The following TENT5D variants were observed in gnomAD, a reference collection of about 807,000 sequenced individuals.
TENT5D encodes terminal nucleotidyltransferase 5D, also known as cancer/testis antigen 112.
For synonymous variants in TENT5D, 103 were observed against 100.6 expected, an observed-to-expected ratio of 1.02 and a Z score of -0.15; for missense variants, 191 against 287.0, an observed-to-expected ratio of 0.67 and a Z score of 2.42.
At chrX:80,410,500 C>T (rs757177752) in intron 3 of TENT5D, among the ~76,000 whole-genome samples, 277 of 88,988 alleles carry the variant, frequency 3.1e-3, no homozygotes, top group African/African-American at 0.01. Flanking sequence ...AAAATGCTCA[C>T]CATCACTGGC....
At chrX:80,427,285 A>G (rs72541326) in intron 1 of TENT5D, among the ~76,000 whole-genome samples, 1 of 7,861 alleles carries the variant, frequency 1.3e-4, no homozygotes, top group African/African-American at 4.8e-4. Flanking sequence ...TTAGAGGCAT[A>G]TGGTTACTTT....
chrX:80,393,513 T>G (rs1931178702), intron 3 of TENT5D, among the ~76,000 whole-genome samples: 1 of 111,730 alleles, frequency 9.0e-6, no homozygotes, highest in Non-Finnish European at 1.9e-5. Context: ...TTAAACCAAG[T>G]GAATTAACAT....
chrX:80,409,496 A>G (rs1454207414), intron 3 of TENT5D, among the ~76,000 whole-genome samples: 1 of 111,076 alleles, frequency 9.0e-6, no homozygotes, highest in African/African-American at 3.3e-5. Context: ...CCCATTCACA[A>G]TTGCTTCAAA....
chrX:80,381,520 G>T (rs1177551927), intron 3 of TENT5D, among the ~76,000 whole-genome samples: 1 of 111,906 alleles, frequency 8.9e-6, no homozygotes, highest in Non-Finnish European at 1.9e-5. Context: ...CTAGGTTGGG[G>T]AAGTTCTCCT....
intron 3 of TENT5D, among the ~76,000 whole-genome samples, chrX:80,343,263 G>A (rs772955297): frequency 9.0e-6 from 1 of 111,579 alleles, no homozygotes; most frequent in African/African-American, 3.3e-5. Flanking sequence ...ATTCAGAGTG[G>A]TGCAGTCACT....
At chrX:80,345,698 A>T (rs1930044820) in intron 3 of TENT5D, among the ~76,000 whole-genome samples, 1 of 111,874 alleles carries the variant, frequency 8.9e-6, no homozygotes. Context: ...AAACTAGGAT[A>T]TCCATTTATC....
At chrX:80,392,718 T>A (rs1487449458) in intron 3 of TENT5D, among the ~76,000 whole-genome samples, 34 of 103,619 alleles carry the variant, frequency 3.3e-4, no homozygotes, top group South Asian at 4.7e-4. Flanking sequence ...GGGTTTCACC[T>A]TGTTAGCCAG....
chrX:80,397,369 G>A (rs1304763471), intron 3 of TENT5D, among the ~76,000 whole-genome samples: 1 of 108,442 alleles, frequency 9.2e-6, no homozygotes, highest in African/African-American at 3.4e-5. Context: ...TCCTAGATGG[G>A]ATGGCGGCCG....
At chrX:80,405,590 C>G (rs1288537313) in intron 3 of TENT5D, among the ~76,000 whole-genome samples, 1 of 112,298 alleles carries the variant, frequency 8.9e-6, no homozygotes, top group Non-Finnish European at 1.9e-5. Flanking sequence ...TCGCACCTGG[C>G]TCGGAGGGTC....
At chrX:80,363,561 A>G (rs928083106) in intron 3 of TENT5D, among the ~76,000 whole-genome samples, 3 of 112,311 alleles carry the variant, frequency 2.7e-5, no homozygotes, top group African/African-American at 9.7e-5. Context: ...TTGATTAACT[A>G]TATCATCCAG....
intron 1 of TENT5D, among the ~76,000 whole-genome samples, chrX:80,434,822 G>A (rs1295205105): frequency 6.3e-5 from 6 of 95,513 alleles, no homozygotes; most frequent in African/African-American, 1.6e-4. Flanking sequence ...TCTCTTTGTC[G>A]CCTAGGCTGG....
chrX:80,387,128 T>A (rs1931031524), intron 3 of TENT5D, among the ~76,000 whole-genome samples: 1 of 112,426 alleles, frequency 8.9e-6, no homozygotes, highest in South Asian at 3.6e-4. Flanking sequence ...GTGGCAGCTT[T>A]AAGTATCGAA....
At chrX:80,356,337 T>G (rs1174872170) in intron 3 of TENT5D, among the ~76,000 whole-genome samples, 1 of 111,883 alleles carries the variant, frequency 8.9e-6, no homozygotes, top group Non-Finnish European at 1.9e-5. Flanking sequence ...GTCTTTTGGC[T>G]ACTTTTGGTA....
Position 80,385,036 on chromosome X carries a change from A to G in TENT5D, c.-142+42472A>G, listed in dbSNP as rs1252153461. ...CATTCAATGCCATCCCCATCAAGCTACCAATGACTTTCTTCACAGAATTGG... is the reference window on the plus strand; with the variant it reads ...CATTCAATGCCATCCCCATCAAGCTGCCAATGACTTTCTTCACAGAATTGG... On this transcript the variant is annotated intron_variant, in intron 3 of 4. Coordinates refer to the TENT5D transcript ENST00000538312. Among the ~76,000 whole-genome samples, 7 of 111,524 alleles carry G rather than the reference A, an allele frequency of 6.3e-5. No individual in the cohort carries two copies. The East Asian group carries it at 2.0e-3, about 32-fold the overall frequency.
intron 3 of TENT5D, among the ~76,000 whole-genome samples, chrX:80,405,810 C>T (rs1459998171): frequency 3.6e-5 from 4 of 112,674 alleles, no homozygotes; most frequent in African/African-American, 1.3e-4. Context: ...AGGGCACAGA[C>T]AAACAAAAAG....
intron 3 of TENT5D, among the ~76,000 whole-genome samples, chrX:80,400,379 G>A (rs1052206154): frequency 3.6e-5 from 4 of 111,152 alleles, no homozygotes; most frequent in Non-Finnish European, 7.6e-5. Context: ...ACACCCTCAC[G>A]GACACACCCA....
chrX:80,423,299 T>C (rs892965368), intron 1 of TENT5D, among the ~76,000 whole-genome samples: 4 of 111,816 alleles, frequency 3.6e-5, no homozygotes, highest in Non-Finnish European at 3.8e-5. Flanking sequence ...TTTTGTTGTT[T>C]GAGATAGTAT....
chrX:80,409,706 A>T (rs1375552091), intron 3 of TENT5D, among the ~76,000 whole-genome samples: 1 of 110,164 alleles, frequency 9.1e-6, no homozygotes, highest in Non-Finnish European at 1.9e-5. Flanking sequence ...CATCCCCATC[A>T]AGCTACCAAT....
rs749744198 is a variant in TENT5D at position 80,357,351 on chromosome X, T to G, written c.-142+14787T>G. On this transcript the variant is annotated intron_variant, in intron 3 of 4. Coordinates refer to the TENT5D transcript ENST00000538312. ...GGAATCGCCACACTGACTTCCACAA[T>G]GGTTGAACTAGTTTACAGTCCCACC... Among the ~76,000 whole-genome samples, 41 of 108,915 alleles carry G rather than the reference T, an allele frequency of 3.8e-4. No homozygotes were observed. In the East Asian group the frequency reaches 0.011, roughly 28 times the overall value. The allele number at this position is 108,915 out of a possible 115,157, so 94.6% of individuals were successfully genotyped here. A position where few individuals can be genotyped will look rare whatever the true frequency, so the allele number is the denominator to read the frequency against.
Sources: gnomAD v4.1 joint callset for allele counts (sites outside exome capture counted in the v4.1 genomes callset) on GRCh38, gnomAD v4.1.1 for gene constraint, MANE v1.5 for transcripts, NCBI Gene and HGNC (gene_info 2026-07-23, HGNC 2026-07-21) for gene names.